Variants in TRMT44 observed in about 807,000 individuals in gnomAD.
TRMT44 encodes tRNA methyltransferase 44 homolog.
Under a neutral mutation model 77.3 loss-of-function variants are expected in TRMT44, and 78 were observed. The ratio of observed to expected loss-of-function variants is 1.01; its 90% CI spans 0.84 to 1.22. TRMT44 has a LOEUF of 1.22. Among genes scored for constraint, TRMT44 ranks in the 50% most tolerant of loss-of-function variants. TRMT44 has a pLI of 0.00. For synonymous variants in TRMT44, 391 were observed against 383.3 expected (o/e 1.02, Z -0.23); for missense variants, 1,090 against 964.4 (o/e 1.13, Z -1.73).
At chr4:8,490,734 A>T (rs2109233001) in intron 2 of TRMT44, among the ~76,000 whole-genome samples, 1 of 152,294 alleles carries the variant, frequency 6.6e-6, no homozygotes, top group African/African-American at 2.4e-5. Context: ...AAGCTTCCAC[A>T]GTGTGGAAGG....
At position 8,452,778 on chromosome 4, in the gene TRMT44, A is replaced by G. The variant is rs1725536876; in HGVS notation, c.1024-104A>G. 1.6e-6 allele frequency: 1 copy of G among 615,864 alleles called. No homozygotes were observed. Among genetic ancestry groups the G allele is most frequent in the Non-Finnish European group, 2.7e-6 (1 of 368,276 alleles). The allele number at this position is 615,864 out of a possible 1,614,324, so 38.1% of individuals were successfully genotyped here. The stretch of plus-strand genomic sequence containing the variant: ...AAGAATGTTTAGTGTAGATGATTTC[A>G]AGTTTCCTTTCACTCAGAGTTTTCT... On this transcript the variant is annotated intron_variant, in intron 4 of 10. Transcript: ENST00000389737. The surrounding 1 kb of genome is among the most constrained non-coding windows in gnomAD (Gnocchi z 5.7).
the TRMT44 span, among the ~76,000 whole-genome samples, chr4:8,514,959 T>C: frequency 6.6e-5 from 10 of 151,908 alleles, no homozygotes; most frequent in Non-Finnish European, 1.5e-4. Flanking sequence ...CACCATTCAA[T>C]TTATTTATTT....
chr4:8,500,919 C>T, the TRMT44 span, among the ~76,000 whole-genome samples: 1 of 152,204 alleles, frequency 6.6e-6, no homozygotes. Flanking sequence ...TCCTTGGCCT[C>T]CCAAGGTGCT....
chr4:8,454,375 CT>C lies in TRMT44; in HGVS notation c.1132-366del, dbSNP rs1579050601. ...GAAATTCTGGTGTCATCCATGAATGCTAATGACACACTTGAAAAAGGGCACT... is the reference window on the plus strand; with the variant it reads ...GAAATTCTGGTGTCATCCATGAATGCAATGACACACTTGAAAAAGGGCACT... On this transcript the variant is annotated intron_variant, in intron 5 of 10. Coordinates refer to ENST00000389737, the MANE Select transcript of TRMT44 (RefSeq NM_152544.3). 6.2e-5 allele frequency: 14 copies of C among 227,358 alleles called. No homozygotes were observed. In the East Asian group the frequency reaches 1.3e-3, roughly 21 times the overall value. 14.1% of individuals were successfully genotyped at this position (227,358 alleles called of 1,614,324 possible).
At chr4:8,497,815 C>T (rs1728194206), downstream of TRMT44, among the ~76,000 whole-genome samples, 2 of 152,212 alleles carry the variant, frequency 1.3e-5, no homozygotes. Flanking sequence ...TTTCAGATGC[C>T]ACTCAGGTGA....
intron 2 of TRMT44, among the ~76,000 whole-genome samples, chr4:8,492,513 C>T (rs1444429449): frequency 6.6e-6 from 1 of 152,136 alleles, no homozygotes; most frequent in Non-Finnish European, 1.5e-5. Context: ...TTGGGAGGAA[C>T]TTAGTTTACA....
chr4:8,490,621 G>C (rs1727971086), intron 2 of TRMT44, among the ~76,000 whole-genome samples: 1 of 152,162 alleles, frequency 6.6e-6, no homozygotes, highest in Non-Finnish European at 1.5e-5. Flanking sequence ...CTGGCTTCAG[G>C]AGTGAAGCTG....
intron 10 of TRMT44, among the ~76,000 whole-genome samples, chr4:8,475,546 C>G (rs1443856383): frequency 6.6e-6 from 1 of 152,190 alleles, no homozygotes; most frequent in Non-Finnish European, 1.5e-5. Flanking sequence ...CGCTCACTTC[C>G]CGCAGGGCTC....
chr4:8,493,300 A>G (rs1728063993), exon 3 of TRMT44: 1 of 152,168 alleles, frequency 6.6e-6, no homozygotes. Flanking sequence ...GCACCACCCA[A>G]ATAGATAAAT....
chr4:8,497,316 C>G (rs1258702028), downstream of TRMT44, among the ~76,000 whole-genome samples: 2 of 152,224 alleles, frequency 1.3e-5, no homozygotes, highest in Non-Finnish European at 2.9e-5. Context: ...ATATGATTAA[C>G]TGCTTTTGTT....
downstream of TRMT44, among the ~76,000 whole-genome samples, chr4:8,494,494 A>T (rs1357481): frequency 0.26 from 40,179 of 152,136 alleles, 5,994 homozygotes; most frequent in Admixed American, 0.38. Context: ...TGAAAGACTG[A>T]TCGAGGACTC....
chr4:8,490,628 G>A (rs563750767), intron 2 of TRMT44, among the ~76,000 whole-genome samples: 1 of 152,206 alleles, frequency 6.6e-6, no homozygotes, highest in Non-Finnish European at 1.5e-5. Flanking sequence ...CAGGAGTGAA[G>A]CTGCAGACCT....
chr4:8,467,356 C>T (rs566160126), intron 8 of TRMT44, among the ~76,000 whole-genome samples: 45 of 152,216 alleles, frequency 3.0e-4, no homozygotes, highest in Admixed American at 2.0e-3. Flanking sequence ...TGAGTTTAGG[C>T]GCCTTTGTTA....
chr4:8,502,828 G>C, the TRMT44 span, among the ~76,000 whole-genome samples: 3 of 152,232 alleles, frequency 2.0e-5, no homozygotes, highest in Non-Finnish European at 4.4e-5. Flanking sequence ...CTTACACTCA[G>C]GGGAGATTAA....
chr4:8,471,203 A>G lies in TRMT44; in HGVS notation c.2044+3A>G. ...GAACAGCCACCAGGTGTTCCAAGGTACGGAGTCCGCCTCTCCCCCGCCGTT... is the reference window on the plus strand; with the variant it reads ...GAACAGCCACCAGGTGTTCCAAGGTGCGGAGTCCGCCTCTCCCCCGCCGTT... On this transcript the variant is annotated splice_donor_region_variant and intron_variant, in intron 10 of 10. Coordinates refer to ENST00000389737, the MANE Select transcript of TRMT44 (RefSeq NM_152544.3). 1 of 1,563,216 alleles carries G rather than the reference A, an allele frequency of 6.4e-7. No homozygotes were observed. Among genetic ancestry groups the G allele is most frequent in the South Asian group, 1.2e-5 (1 of 84,516 alleles).
the TRMT44 span, among the ~76,000 whole-genome samples, chr4:8,505,053 C>G: frequency 1.3e-5 from 2 of 152,178 alleles, no homozygotes; most frequent in African/African-American, 4.8e-5. Context: ...CCACCAACAA[C>G]AGCTGATCTG....
At chr4:8,484,511 A>C (rs1160883907) in intron 2 of TRMT44, among the ~76,000 whole-genome samples, 1 of 152,242 alleles carries the variant, frequency 6.6e-6, no homozygotes, top group East Asian at 1.9e-4. Flanking sequence ...ACATGATGGC[A>C]AGCCTAAAAC....
intron 2 of TRMT44, among the ~76,000 whole-genome samples, chr4:8,448,959 A>C (rs1725245406): frequency 6.6e-6 from 1 of 152,224 alleles, no homozygotes. Context: ...TCATCTGCCC[A>C]GCAAACTTAA....
At chr4:8,485,389 A>C (rs868830638) in intron 2 of TRMT44, among the ~76,000 whole-genome samples, 48 of 152,354 alleles carry the variant, frequency 3.2e-4, no homozygotes, top group South Asian at 1.0e-3. Context: ...ACTAATCTGT[A>C]AGACTTGTCC....
Sources: allele counts gnomAD v4.1 joint callset (sites outside exome capture counted in the v4.1 genomes callset), GRCh38; gene constraint gnomAD v4.1.1; non-coding constraint Gnocchi (gnomAD v3.1); transcripts MANE v1.5; gene names NCBI Gene and HGNC (gene_info 2026-07-23, HGNC 2026-07-21).